Variants in CBL observed in about 807,000 individuals in gnomAD.
CBL encodes the protein E3 ubiquitin-protein ligase CBL.
In CBL, 45 loss-of-function variants were observed where a neutral mutation model predicts 96.9. That is an observed-to-expected ratio of 0.46 (90% CI 0.37 to 0.60). CBL has a LOEUF of 0.60. Ranked by LOEUF, CBL falls within the 20% of genes least tolerant of loss-of-function variation. The pLI, the probability that CBL is intolerant of heterozygous loss-of-function variation, is 0.00. For missense variants in CBL, 1,024 were observed against 1,143.5 expected (o/e 0.90, Z 1.51); for synonymous variants, 420 against 426.8 (o/e 0.98, Z 0.20).
chr11:119,299,759 C>T lies in CBL; in HGVS notation c.2699C>T (p.Ser900Phe), dbSNP rs1451360238. 6.2e-7 allele frequency: 1 copy of T among 1,614,220 alleles called. No individual in the cohort carries two copies. The highest frequency in any genetic ancestry group is 1.1e-5 in the South Asian group (1 of 91,082). Residue 900 changes from serine to phenylalanine, a missense_variant, in exon 16 of 16, where the codon TCT becomes TTT. Physicochemically the swap from Ser to Phe is radical, Grantham distance 155. Transcript: ENST00000264033. ...CTCCGGGAATTTGTTTCCATTTCTT[C>T]TCCTGCCCATGTAGCTACCTAGCAC... Reference protein sequence around the residue: ...NILREFVSISSPAHVAT With the variant: ...NILREFVSISFPAHVAT
intron 1 of CBL, among the ~76,000 whole-genome samples, chr11:119,212,064 C>T (rs1395631815): frequency 6.6e-6 from 1 of 151,706 alleles, no homozygotes; most frequent in Middle Eastern, 3.2e-3. Context: ...GGATTACGGG[C>T]ATGTGCCACC....
Position 119,306,211 on chromosome 11 carries a change from G to C in CBL, c.*6430G>C, listed in dbSNP as rs886047806. 2 of 398,584 alleles carry C rather than the reference G, an allele frequency of 5.0e-6. No homozygotes were observed. The highest frequency in any genetic ancestry group is 4.4e-6 in the Non-Finnish European group (1 of 226,052). The allele number at this position is 398,584 out of a possible 1,614,324, so 24.7% of individuals were successfully genotyped here. A position where few individuals can be genotyped will look rare whatever the true frequency, so the allele number is the denominator to read the frequency against. ...CGGCTGTTGACAGACAGACTAAGCT[G>C]TGTGGTGCTCTTGCCGCCCCTTCCT... On this transcript the variant is annotated 3_prime_UTR_variant, in exon 16 of 16. Coordinates refer to ENST00000264033, the MANE Select transcript of CBL (RefSeq NM_005188.4).
At chr11:119,228,762 CT>C (rs1417170461) in intron 1 of CBL, among the ~76,000 whole-genome samples, 24 of 151,762 alleles carry the variant, frequency 1.6e-4, no homozygotes, top group African/African-American at 5.3e-4. Context: ...GTAGCTGAGA[CT>C]TACACCCACA....
intron 1 of CBL, among the ~76,000 whole-genome samples, chr11:119,220,531 C>A (rs1428629678): frequency 1.3e-5 from 2 of 152,188 alleles, no homozygotes; most frequent in East Asian, 3.9e-4. Flanking sequence ...CCTAGCAGGT[C>A]GAGGCTGAAG....
chr11:119,287,762 C>T, intron 11 of CBL, 90 bp from the exon 12 acceptor site: 1 of 853,516 alleles, frequency 1.2e-6, no homozygotes, highest in Non-Finnish European at 2.0e-6. Context: ...AGGTTTGTAT[C>T]TGTTATTGTT....
intron 12 of CBL, among the ~76,000 whole-genome samples, chr11:119,293,990 T>C (rs1162785475): frequency 6.6e-6 from 1 of 152,222 alleles, no homozygotes; most frequent in African/African-American, 2.4e-5. Context: ...AATGTATTCT[T>C]TCTTGAATCT....
intron 1 of CBL, among the ~76,000 whole-genome samples, chr11:119,208,796 T>C (rs1216021579): frequency 6.6e-6 from 1 of 152,158 alleles, no homozygotes; most frequent in African/African-American, 2.4e-5. Context: ...CCAAATAAAA[T>C]CCTCCCTTAA....
At chr11:119,270,436 A>ATTTTTTTTTTT (rs869150071) in intron 2 of CBL, among the ~76,000 whole-genome samples, 1 of 38,660 alleles carries the variant, frequency 2.6e-5, no homozygotes, top group Non-Finnish European at 4.3e-5. Context: ...ATATATATAT[A>ATTTTTTTTTTT]TTTTTTTTTT....
chr11:119,233,043 G>A (rs1288165932), intron 2 of CBL, among the ~76,000 whole-genome samples: 2 of 152,080 alleles, frequency 1.3e-5, no homozygotes, highest in Non-Finnish European at 2.9e-5. Flanking sequence ...ATAAGAGGCC[G>A]ATCTTGCCAA....
At chr11:119,297,090 C>T in intron 13 of CBL, 56 bp downstream of exon 13, 1 of 899,028 alleles carries the variant, frequency 1.1e-6, no homozygotes, top group Non-Finnish European at 1.9e-6. Flanking sequence ...TAATTGACAC[C>T]CTTCACCTGC....
chr11:119,257,939 A>G (rs1408708189), intron 2 of CBL, among the ~76,000 whole-genome samples: 1 of 152,118 alleles, frequency 6.6e-6, no homozygotes, highest in Admixed American at 6.6e-5. Flanking sequence ...ATAAAAAAAT[A>G]CTTGTGGCCG....
At chr11:119,235,228 C>T (rs914967724) in intron 2 of CBL, among the ~76,000 whole-genome samples, 3 of 151,982 alleles carry the variant, frequency 2.0e-5, no homozygotes, top group Admixed American at 1.3e-4. Context: ...ATTCTCTTGC[C>T]TCAGCCTCCC....
chr11:119,279,041 AAGGC>A (rs200187804), intron 9 of CBL, among the ~76,000 whole-genome samples: 5,301 of 152,310 alleles, frequency 0.035, 120 homozygotes, highest in South Asian at 0.052. Flanking sequence ...ATTCCAGCTT[AAGGC>A]CCATGTTCTT....
At chr11:119,257,400 A>G (rs1383716519) in intron 2 of CBL, among the ~76,000 whole-genome samples, 2 of 152,036 alleles carry the variant, frequency 1.3e-5, no homozygotes, top group Admixed American at 6.6e-5. Context: ...GGCCACTTGT[A>G]TATCTTCTTT....
chr11:119,206,872 G>A (rs1949273986), intron 1 of CBL, among the ~76,000 whole-genome samples: 1 of 152,274 alleles, frequency 6.6e-6, no homozygotes, highest in South Asian at 2.1e-4. Flanking sequence ...AAGATGGAGT[G>A]GGGGCTGGGG....
chr11:119,262,639 A>C (rs962323934), intron 2 of CBL, among the ~76,000 whole-genome samples: 4 of 152,212 alleles, frequency 2.6e-5, no homozygotes, highest in Non-Finnish European at 5.9e-5. Flanking sequence ...CAGTGTGACC[A>C]GGGTTGCAGG....
At chr11:119,273,534 C>T (rs1014196862) in intron 3 of CBL, among the ~76,000 whole-genome samples, 1 of 152,180 alleles carries the variant, frequency 6.6e-6, no homozygotes, top group Non-Finnish European at 1.5e-5. Flanking sequence ...GATTTTCCCC[C>T]CTCAGCCTCC....
intron 12 of CBL, 152 bp downstream of exon 12, chr11:119,288,098 T>G (rs986157546): frequency 6.2e-6 from 4 of 648,022 alleles, no homozygotes; most frequent in Non-Finnish European, 1.1e-5. Flanking sequence ...TTTAGAGTAT[T>G]TCCTTCTTTT....
chr11:119,263,072 T>C (rs1405710553), intron 2 of CBL, among the ~76,000 whole-genome samples: 2 of 152,230 alleles, frequency 1.3e-5, no homozygotes, highest in Non-Finnish European at 2.9e-5. Flanking sequence ...TGCACTTTAT[T>C]TAGCTTAGTA....
Sources: gnomAD v4.1 joint callset for allele counts (sites outside exome capture counted in the v4.1 genomes callset) on GRCh38, gnomAD v4.1.1 for gene constraint, MANE v1.5 for transcripts, NCBI Gene and HGNC (gene_info 2026-07-23, HGNC 2026-07-21) for gene names.